The following ACER2 variants were observed in gnomAD, a reference collection of about 807,000 sequenced individuals.
The protein encoded by ACER2 is alkaline ceramidase 2.
Under a neutral mutation model 34.7 loss-of-function variants are expected in ACER2, and 26 were observed. That is an observed-to-expected ratio of 0.75 (90% CI 0.55 to 1.04). The LOEUF (loss-of-function observed/expected upper bound fraction) is 1.04, where lower values mean the gene tolerates loss of function less well. ACER2 is among the 50% of genes least tolerant of loss of function. ACER2 has a pLI of 0.00. For synonymous variants in ACER2, 138 were observed against 132.1 expected (o/e 1.04, Z -0.31); for missense variants, 352 against 340.8 (o/e 1.03, Z -0.26).
intron 3 of ACER2, among the ~76,000 whole-genome samples, chr9:19,428,207 G>A (rs1484517961): frequency 6.7e-6 from 1 of 148,932 alleles, no homozygotes; most frequent in African/African-American, 2.5e-5. Flanking sequence ...CACTCTTATT[G>A]CCCGGGCTGG....
At chr9:19,444,245 T>C (rs1831265787) in intron 4 of ACER2, among the ~76,000 whole-genome samples, 1 of 146,656 alleles carries the variant, frequency 6.8e-6, no homozygotes, top group Non-Finnish European at 1.5e-5. Context: ...GGAGTCTTGC[T>C]CTGTCCCCTG....
intron 1 of ACER2, among the ~76,000 whole-genome samples, chr9:19,420,795 C>G (rs546247290): frequency 1.1e-4 from 16 of 152,260 alleles, no homozygotes; most frequent in African/African-American, 3.9e-4. Context: ...CAAGGGCTCC[C>G]TGCTTCAAAG....
chr9:19,434,193 C>T lies in ACER2; in HGVS notation c.366-754C>T, dbSNP rs1389697962. On this transcript the variant is annotated intron_variant, in intron 3 of 5. Transcript: ENST00000340967. The stretch of plus-strand genomic sequence containing the variant: ...GATGATGGGCGGCCGGGCAGAGACG[C>T]TCCTCACTTCCTAGATGTGATGGCG... Among the ~76,000 whole-genome samples the T allele has an allele frequency of 2.0e-5, 3 of 151,464 alleles. No homozygotes were observed. The East Asian group carries it at 5.8e-4, about 30-fold the overall frequency.
In ACER2 at chr9:19,416,706, T is replaced by C. The variant is rs572889704; in HGVS notation, c.109-7156T>C. Among the ~76,000 whole-genome samples, 7 of 149,478 alleles carry C rather than the reference T, an allele frequency of 4.7e-5. No individual in the cohort carries two copies. The East Asian group carries it at 1.4e-3, about 29-fold the overall frequency. On this transcript the variant is annotated intron_variant, in intron 1 of 5. Coordinates refer to ENST00000340967, the MANE Select transcript of ACER2 (RefSeq NM_001010887.3). ...ATGCCCAGCTAATTTTTTTTTTTTGTACTTTTAGTAGAGACAGGGTTTTGC... is the reference window on the plus strand; with the variant it reads ...ATGCCCAGCTAATTTTTTTTTTTTGCACTTTTAGTAGAGACAGGGTTTTGC...
At chr9:19,424,091 C>A in intron 2 of ACER2, 115 bp downstream of exon 2, 1 of 1,022,138 alleles carries the variant, frequency 9.8e-7, no homozygotes, top group Non-Finnish European at 1.5e-6. Flanking sequence ...TGAAGTCACT[C>A]TGAGGTCTTA....
intron 1 of ACER2, 55 bp from the exon 2 acceptor site, chr9:19,423,805 ATT>A: frequency 7.4e-7 from 1 of 1,358,092 alleles, no homozygotes; most frequent in Non-Finnish European, 1.1e-6. Context: ...AGGCCACTTT[ATT>A]TTTTGCCCTT....
intron 4 of ACER2, among the ~76,000 whole-genome samples, chr9:19,443,783 A>G (rs767472231): frequency 1.8e-4 from 28 of 151,938 alleles, no homozygotes; most frequent in Non-Finnish European, 1.9e-4. Flanking sequence ...CAGCCTCCCA[A>G]GTAGCTGGGA....
chr9:19,439,787 GA>G lies in ACER2; in HGVS notation c.503+4706del, dbSNP rs747257278. The stretch of plus-strand genomic sequence containing the variant: ...TCAAGACTAGCCTGGCCAACAGGAT[GA>G]AACCTCATCTCTACTAAAAACACAA... On this transcript the variant is annotated intron_variant, in intron 4 of 5. Transcript: ENST00000340967. Among the ~76,000 whole-genome samples, 6 of 152,304 alleles carry G rather than the reference GA, an allele frequency of 3.9e-5. No homozygotes were observed. In the East Asian group the frequency reaches 1.2e-3, roughly 29 times the overall value.
Position 19,446,300 on chromosome 9 carries a change from T to C in ACER2, c.523T>C (p.Phe175Leu). ...ELKRCDNMRV[F>L]KLGLFSGLWW... is the part of the protein sequence containing the mutation. ...GTGCAGGTGTGACAACATGCGTGTG[T>C]TTAAGCTGGGCCTCTTCTCGGGCCT... is the stretch of plus-strand genomic sequence containing the variant. The change falls in exon 5 of 6, where the codon TTT becomes CTT. Residue 175 changes from phenylalanine (F) to leucine (L), a missense_variant. Phe to Leu is a conservative substitution (Grantham distance 22, BLOSUM62 0). Transcript: ENST00000340967. 1 of 1,614,136 alleles carries C rather than the reference T, an allele frequency of 6.2e-7. No individual in the cohort carries two copies. The highest frequency in any genetic ancestry group is 8.5e-7 in the Non-Finnish European group (1 of 1,180,036).
chr9:19,430,731 G>A (rs1006595167), intron 3 of ACER2, among the ~76,000 whole-genome samples: 3 of 152,170 alleles, frequency 2.0e-5, no homozygotes, highest in African/African-American at 7.2e-5. Flanking sequence ...GCTGAGGCAG[G>A]TGGATCACCT....
intron 1 of ACER2, among the ~76,000 whole-genome samples, chr9:19,409,434 G>C (rs915867073): frequency 6.6e-6 from 1 of 152,132 alleles, no homozygotes; most frequent in Non-Finnish European, 1.5e-5. Flanking sequence ...TTTTGTGATG[G>C]TCCTATTGTC....
intron 1 of ACER2, among the ~76,000 whole-genome samples, chr9:19,420,493 T>C (rs958382980): frequency 1.3e-5 from 2 of 152,182 alleles, no homozygotes; most frequent in Non-Finnish European, 2.9e-5. Context: ...TCATATCTTC[T>C]AAAATAGCTT....
intron 1 of ACER2, among the ~76,000 whole-genome samples, chr9:19,419,217 T>C (rs894854413): frequency 2.6e-5 from 4 of 152,124 alleles, no homozygotes; most frequent in African/African-American, 9.7e-5. Flanking sequence ...CAAAACCTAC[T>C]GCATATACAG....
intron 4 of ACER2, among the ~76,000 whole-genome samples, chr9:19,442,727 G>A (rs1831197209): frequency 6.6e-6 from 1 of 152,142 alleles, no homozygotes; most frequent in Non-Finnish European, 1.5e-5. Context: ...CTATGTATTT[G>A]TTGATATTTG....
At chr9:19,447,575 C>A (rs1179527096) in intron 5 of ACER2, among the ~76,000 whole-genome samples, 3 of 152,082 alleles carry the variant, frequency 2.0e-5, no homozygotes, top group Non-Finnish European at 4.4e-5. Context: ...TTCCAGATAA[C>A]AAAATGTACA....
intron 4 of ACER2, among the ~76,000 whole-genome samples, chr9:19,444,775 G>A (rs1272383477): frequency 6.6e-6 from 1 of 152,180 alleles, no homozygotes; most frequent in Non-Finnish European, 1.5e-5. Context: ...AGTGGTAATC[G>A]AAAGCGAGAA....
At chr9:19,413,201 A>G (rs1309072299) in intron 1 of ACER2, among the ~76,000 whole-genome samples, 1 of 152,218 alleles carries the variant, frequency 6.6e-6, no homozygotes, top group African/African-American at 2.4e-5. Flanking sequence ...TATCTCTTCC[A>G]TGAACATGTA....
intron 3 of ACER2, among the ~76,000 whole-genome samples, chr9:19,431,145 G>A (rs1830742609): frequency 6.6e-6 from 1 of 152,034 alleles, no homozygotes; most frequent in Admixed American, 6.5e-5. Context: ...ATTATTTAAA[G>A]TGGTATTTAT....
chr9:19,440,465 G>A (rs1423587212), intron 4 of ACER2, among the ~76,000 whole-genome samples: 2 of 152,146 alleles, frequency 1.3e-5, no homozygotes, highest in Non-Finnish European at 2.9e-5. Context: ...TGGGATTAGT[G>A]CTTTTCTAAA....
Sources: gnomAD v4.1 joint callset for allele counts (sites outside exome capture counted in the v4.1 genomes callset) on GRCh38, gnomAD v4.1.1 for gene constraint, MANE v1.5 for transcripts, NCBI Gene and HGNC (gene_info 2026-07-23, HGNC 2026-07-21) for gene names.